GRM7: variants seen among roughly 807,000 people sequenced by gnomAD.
GRM7 encodes glutamate metabotropic receptor 7.
GRM7 carries 35 observed loss-of-function variants against 84.5 expected under a neutral mutation model. The observed-to-expected ratio is 0.41, with a 90% CI of 0.32 to 0.55. The LOEUF is 0.55. Ranked by LOEUF, GRM7 falls within the 20% of genes least tolerant of loss-of-function variation. The pLI is 0.19. For missense variants in GRM7, 1,003 were observed against 1,194.6 expected, an observed-to-expected ratio of 0.84 and a Z score of 2.36; for synonymous variants, 487 against 455.1, an observed-to-expected ratio of 1.07 and a Z score of -0.89.
intron 4 of GRM7, among the ~76,000 whole-genome samples, chr3:7,356,054 G>A (rs999359082): frequency 6.6e-6 from 1 of 152,140 alleles, no homozygotes; most frequent in African/African-American, 2.4e-5. Context: ...TTCAGCCAGT[G>A]CACCTGGTTG....
chr3:7,105,582 TC>T (rs1699265108), intron 1 of GRM7, among the ~76,000 whole-genome samples: 1 of 151,950 alleles, frequency 6.6e-6, no homozygotes, highest in African/African-American at 2.4e-5. Flanking sequence ...TATAAACTAT[TC>T]CCTTTCTTAC....
At chr3:7,667,095 T>A (rs2125129013) in intron 8 of GRM7, among the ~76,000 whole-genome samples, 1 of 151,964 alleles carries the variant, frequency 6.6e-6, no homozygotes, top group African/African-American at 2.4e-5. Context: ...CAAGACTCTG[T>A]CTCTACAAAA....
intron 9 of GRM7, among the ~76,000 whole-genome samples, chr3:7,710,825 C>T (rs1160962657): frequency 6.6e-6 from 1 of 152,166 alleles, no homozygotes. Context: ...TTCACCCCAT[C>T]ATGTGAAATA....
At chr3:7,513,181 A>G (rs1193138295) in intron 7 of GRM7, among the ~76,000 whole-genome samples, 2 of 152,292 alleles carry the variant, frequency 1.3e-5, no homozygotes, top group Admixed American at 1.3e-4. Context: ...GTTTCCCTCT[A>G]GGACTATGCA....
intron 2 of GRM7, among the ~76,000 whole-genome samples, chr3:7,294,675 T>G (rs1575131041): frequency 1.3e-5 from 2 of 152,144 alleles, no homozygotes. Context: ...CCTCAAAATC[T>G]GACCACCTGC....
chr3:7,102,838 A>C (rs1183336109), intron 1 of GRM7, among the ~76,000 whole-genome samples: 1 of 151,810 alleles, frequency 6.6e-6, no homozygotes, highest in East Asian at 1.9e-4. Context: ...CTGTTAAGCC[A>C]TTCCAGTACA....
At chr3:6,995,737 G>A (rs545891187) in intron 1 of GRM7, among the ~76,000 whole-genome samples, 3 of 151,934 alleles carry the variant, frequency 2.0e-5, no homozygotes, top group African/African-American at 7.2e-5. Context: ...ATTGAACACA[G>A]AAAAAAAGAA....
intron 7 of GRM7, among the ~76,000 whole-genome samples, chr3:7,548,520 T>G (rs1693281865): frequency 6.6e-6 from 1 of 152,186 alleles, no homozygotes; most frequent in Non-Finnish European, 1.5e-5. Context: ...GAAAGAAATA[T>G]TTGTGAGGGA....
intron 4 of GRM7, among the ~76,000 whole-genome samples, chr3:7,368,337 A>AT (rs1278792939): frequency 2.0e-5 from 3 of 152,036 alleles, no homozygotes; most frequent in Admixed American, 6.6e-5. Context: ...AAAATGAGCC[A>AT]TTTTTTTCTT....
At chr3:6,958,124 G>C (rs910467473) in intron 1 of GRM7, among the ~76,000 whole-genome samples, 1 of 151,500 alleles carries the variant, frequency 6.6e-6, no homozygotes, top group Non-Finnish European at 1.5e-5. Context: ...AGCCATCATC[G>C]TAATCAAAAC....
At chr3:7,407,429 G>T (rs1422177384) in intron 4 of GRM7, among the ~76,000 whole-genome samples, 9 of 152,182 alleles carry the variant, frequency 5.9e-5, no homozygotes, top group Admixed American at 5.9e-4. Context: ...AAAATGATAA[G>T]AGGCTTTCAA....
intron 8 of GRM7, among the ~76,000 whole-genome samples, chr3:7,662,900 A>G (rs1358315590): frequency 6.6e-6 from 1 of 152,220 alleles, no homozygotes; most frequent in African/African-American, 2.4e-5. Flanking sequence ...TTCAATTCAT[A>G]GTCATAGGAA....
chr3:7,612,953 G>T (rs1696910204), intron 8 of GRM7, among the ~76,000 whole-genome samples: 1 of 151,998 alleles, frequency 6.6e-6, no homozygotes. Flanking sequence ...TACTTTTGCA[G>T]AGTAAACTAA....
intron 2 of GRM7, among the ~76,000 whole-genome samples, chr3:7,185,983 C>G (rs540810273): frequency 6.6e-6 from 1 of 152,268 alleles, no homozygotes; most frequent in Non-Finnish European, 1.5e-5. Context: ...AATTATATGG[C>G]CTCCAGCTTA....
chr3:6,888,550 A>G lies in GRM7; in HGVS notation c.519+26643A>G, dbSNP rs556927516. Reference sequence around the variant, plus strand: ...AAAGATCAGATAGCTATAGATATGCAGCGTTATTTCTGAGGGCTCTGTTCT... The same window carrying G: ...AAAGATCAGATAGCTATAGATATGCGGCGTTATTTCTGAGGGCTCTGTTCT... On this transcript the variant is annotated intron_variant, in intron 1 of 9. Coordinates refer to ENST00000357716, the MANE Select transcript of GRM7 (RefSeq NM_000844.4). Among the ~76,000 whole-genome samples, 779 of 152,040 alleles carry G rather than the reference A, an allele frequency of 5.1e-3. 5 individuals carry two copies. The highest frequency in any genetic ancestry group is 8.7e-3 in the Non-Finnish European group (589 of 67,948).
intron 7 of GRM7, among the ~76,000 whole-genome samples, chr3:7,469,373 A>G (rs1036877694): frequency 2.6e-5 from 4 of 152,238 alleles, no homozygotes; most frequent in African/African-American, 9.6e-5. Context: ...GTCAGAAGAA[A>G]AGGAGGGAAA....
intron 7 of GRM7, among the ~76,000 whole-genome samples, chr3:7,467,116 G>C (rs1281739161): frequency 6.6e-6 from 1 of 152,050 alleles, no homozygotes; most frequent in African/African-American, 2.4e-5. Flanking sequence ...TTGAGACGGA[G>C]TCGCTCTGTC....
intron 1 of GRM7, among the ~76,000 whole-genome samples, chr3:6,867,898 G>A (rs1694990156): frequency 6.6e-6 from 1 of 151,998 alleles, no homozygotes; most frequent in Non-Finnish European, 1.5e-5. Flanking sequence ...CAAGTAACCT[G>A]CTTTCAACTA....
At chr3:7,103,002 C>G (rs1303092750) in intron 1 of GRM7, among the ~76,000 whole-genome samples, 2 of 151,770 alleles carry the variant, frequency 1.3e-5, no homozygotes, top group East Asian at 1.9e-4. Context: ...AATACCTGCT[C>G]TACACATTTT....
Sources: allele counts gnomAD v4.1 joint callset (sites outside exome capture counted in the v4.1 genomes callset), GRCh38; gene constraint gnomAD v4.1.1; transcripts MANE v1.5; gene names NCBI Gene and HGNC (gene_info 2026-07-23, HGNC 2026-07-21).